AGAP1: variants seen among roughly 807,000 people sequenced by gnomAD.
The protein encoded by AGAP1 is ArfGAP with GTPase domain, ankyrin repeat and PH domain 1.
In AGAP1, 29 loss-of-function variants were observed where a neutral mutation model predicts 105.3. The observed-to-expected ratio is 0.28, with a 90% CI of 0.21 to 0.38. AGAP1 has a LOEUF of 0.38. Among genes scored for constraint, AGAP1 ranks in the 10% least tolerant of loss-of-function variants. AGAP1 has a pLI of 1.00. For synonymous variants in AGAP1, 509 were observed against 485.9 expected (o/e 1.05, Z -0.63); for missense variants, 998 against 1,165.1 (o/e 0.86, Z 2.09).
chr2:236,077,244 C>T (rs947570762), intron 16 of AGAP1, among the ~76,000 whole-genome samples: 5 of 148,978 alleles, frequency 3.4e-5, no homozygotes, highest in Non-Finnish European at 5.9e-5. Flanking sequence ...TGAAAAGAAA[C>T]AGTGCTTTAA....
intron 1 of AGAP1, among the ~76,000 whole-genome samples, chr2:235,588,847 T>A (rs1230745234): frequency 6.6e-6 from 1 of 152,202 alleles, no homozygotes; most frequent in East Asian, 1.9e-4. Context: ...GGATTGTGAT[T>A]ACTGACGAGA....
Position 236,045,329 on chromosome 2 carries a change from G to A in AGAP1, c.1892-3730G>A, listed in dbSNP as rs942268664. 3.3e-5 allele frequency among the ~76,000 whole-genome samples: 5 copies of A among 152,216 alleles called. No homozygotes were observed. Among genetic ancestry groups the A allele is most frequent in the African/African-American group, 1.2e-4 (5 of 41,452 alleles). On this transcript the variant is annotated intron_variant, in intron 15 of 17. Coordinates refer to ENST00000304032, the MANE Select transcript of AGAP1 (RefSeq NM_001037131.3). This position sits in a 1 kb window ranked among gnomAD's most constrained non-coding sequence, Gnocchi z 6.9. ...CACTGCTGTATCCCCAGAAGCCAGT[G>A]TGTTAATATTGGTTGAATACGTGAA... is the stretch of plus-strand genomic sequence containing the variant.
chr2:235,803,482 G>T (rs1311618943), intron 8 of AGAP1, among the ~76,000 whole-genome samples: 3 of 152,242 alleles, frequency 2.0e-5, no homozygotes, highest in African/African-American at 7.2e-5. Flanking sequence ...GAGGACAGAT[G>T]CATGATATGC....
At chr2:235,657,973 G>A (rs1409611991) in intron 1 of AGAP1, among the ~76,000 whole-genome samples, 2 of 152,200 alleles carry the variant, frequency 1.3e-5, no homozygotes, top group South Asian at 2.1e-4. Flanking sequence ...CCTCAAAAGA[G>A]ACCAGCCCTG....
intron 13 of AGAP1, among the ~76,000 whole-genome samples, chr2:236,015,556 C>G (rs2056667751): frequency 7.0e-6 from 1 of 143,488 alleles, no homozygotes; most frequent in Admixed American, 6.8e-5. Flanking sequence ...TTATAAATTG[C>G]CTTTTTTTTT....
At chr2:235,711,608 G>A (rs1182287541) in intron 2 of AGAP1, among the ~76,000 whole-genome samples, 1 of 152,198 alleles carries the variant, frequency 6.6e-6, no homozygotes, top group Non-Finnish European at 1.5e-5. Flanking sequence ...CCTGAGTGTG[G>A]ATGGACGAGA....
At chr2:235,743,291 G>T (rs1952697255) in intron 4 of AGAP1, among the ~76,000 whole-genome samples, 1 of 152,216 alleles carries the variant, frequency 6.6e-6, no homozygotes, top group African/African-American at 2.4e-5. Flanking sequence ...TAGGAGATGA[G>T]AGCCACAGTT....
rs936086435 is a variant in AGAP1, at chr2:235,751,143, G to A, written c.673+655G>A. On this transcript the variant is annotated intron_variant, in intron 6 of 17. Coordinates refer to ENST00000304032, the MANE Select transcript of AGAP1 (RefSeq NM_001037131.3). This position sits in a 1 kb window ranked among gnomAD's most constrained non-coding sequence, Gnocchi z 5.3. ...CTTGTGGATGATCATAGCGCCAGAC[G>A]TCGTCTATGAGAGAGGAGCCTGTGC... Among the ~76,000 whole-genome samples, 2 of 152,100 alleles carry A rather than the reference G, an allele frequency of 1.3e-5. No homozygotes were observed. Among genetic ancestry groups the A allele is most frequent in the African/African-American group, 2.4e-5 (1 of 41,420 alleles).
chr2:235,720,937 G>A lies in AGAP1; in HGVS notation c.310+3293G>A, dbSNP rs1288197471. On this transcript the variant is annotated intron_variant, in intron 3 of 17. Coordinates refer to ENST00000304032, the MANE Select transcript of AGAP1 (RefSeq NM_001037131.3). This position sits in a 1 kb window ranked among gnomAD's most constrained non-coding sequence, Gnocchi z 5.0. Reference sequence around the variant, plus strand: ...AATATCTGCTGTCTTTTCGTTGTATGATGCATTTTGGTTGATATTTTATTC... The same window carrying A: ...AATATCTGCTGTCTTTTCGTTGTATAATGCATTTTGGTTGATATTTTATTC... Among the ~76,000 whole-genome samples the A allele has an allele frequency of 6.6e-6, 1 of 152,170 alleles. No homozygotes were observed. The highest frequency in any genetic ancestry group is 1.5e-5 in the Non-Finnish European group (1 of 68,034).
At chr2:235,710,441 T>C (rs1950792990) in intron 2 of AGAP1, among the ~76,000 whole-genome samples, 1 of 152,188 alleles carries the variant, frequency 6.6e-6, no homozygotes, top group South Asian at 2.1e-4. Flanking sequence ...GACACACCCA[T>C]CCCCACCGCA....
chr2:235,533,664 C>G (rs953501845), intron 1 of AGAP1, among the ~76,000 whole-genome samples: 1 of 152,214 alleles, frequency 6.6e-6, no homozygotes, highest in African/African-American at 2.4e-5. Flanking sequence ...ATGTTTTCCT[C>G]TAATGAAAAG....
At chr2:235,656,828 C>T (rs1396167779) in intron 1 of AGAP1, among the ~76,000 whole-genome samples, 1 of 152,160 alleles carries the variant, frequency 6.6e-6, no homozygotes, top group Non-Finnish European at 1.5e-5. Flanking sequence ...GGCACTGAAA[C>T]TTTATATATA....
At chr2:236,057,107 AT>A (rs1156452246) in intron 16 of AGAP1, among the ~76,000 whole-genome samples, 1 of 152,156 alleles carries the variant, frequency 6.6e-6, no homozygotes, top group Non-Finnish European at 1.5e-5. Flanking sequence ...GTTTACATTC[AT>A]TTAGCTGACC....
chr2:235,709,242 G>A lies in AGAP1; in HGVS notation c.222+5G>A. On this transcript the variant is annotated splice_donor_5th_base_variant and intron_variant, in intron 2 of 17. Coordinates refer to ENST00000304032, the MANE Select transcript of AGAP1 (RefSeq NM_001037131.3). ...TCTGTCCCGGAGCTCAAAGTGGTGA[G>A]TGGTTCCCTCTGGCCCTGGCACCTG... 1 of 1,614,070 alleles carries A rather than the reference G, an allele frequency of 6.2e-7. No homozygotes were observed. The highest frequency in any genetic ancestry group is 1.1e-5 in the South Asian group (1 of 91,070).
In AGAP1 at chr2:235,679,119, A is replaced by G. The variant is rs1403043683; in HGVS notation, c.164-30060A>G. Among the ~76,000 whole-genome samples the G allele has an allele frequency of 3.6e-4, 55 of 152,236 alleles. 1 individual carries two copies. The highest frequency in any genetic ancestry group is 3.6e-3 in the Admixed American group (55 of 15,288). ...ATTTAAATTGCCACATGGAGAAAGC[A>G]CAGTGTCTTGATTTGGTGGAGTGGA... On this transcript the variant is annotated intron_variant, in intron 1 of 17. Transcript: ENST00000304032.
chr2:235,627,192 G>GTTTTTTT (rs36086999), intron 1 of AGAP1, among the ~76,000 whole-genome samples: 44 of 95,592 alleles, frequency 4.6e-4, no homozygotes, highest in African/African-American at 9.0e-4. Flanking sequence ...CTGTTTTGAG[G>GTTTTTTT]TTTTTTTTTT....
rs747100323 is a variant in AGAP1 at position 236,009,982 on chromosome 2, C to T, written c.1646-26579C>T. Among the ~76,000 whole-genome samples the T allele has an allele frequency of 2.0e-5, 3 of 152,056 alleles. No homozygotes were observed. Among genetic ancestry groups the T allele is most frequent in the Admixed American group, 1.3e-4 (2 of 15,272 alleles). On this transcript the variant is annotated intron_variant, in intron 13 of 17. Transcript: ENST00000304032. This position sits in a 1 kb window ranked among gnomAD's most constrained non-coding sequence, Gnocchi z 4.2. ...GAAGAGTTTGGAATAAAACCCTGCT[C>T]GTTTGAGCATGCCAGCAGACTAAAG...
intron 1 of AGAP1, among the ~76,000 whole-genome samples, chr2:235,511,911 T>C (rs1440158456): frequency 6.6e-6 from 1 of 151,520 alleles, no homozygotes; most frequent in African/African-American, 2.4e-5. Context: ...AATGAGTATG[T>C]GGATGTGTGT....
chr2:235,927,167 TG>T lies in AGAP1; in HGVS notation c.1325-3592del, dbSNP rs1192713366. 2.0e-5 allele frequency among the ~76,000 whole-genome samples: 3 copies of T among 152,116 alleles called. No homozygotes were observed. Among genetic ancestry groups the T allele is most frequent in the Non-Finnish European group, 2.9e-5 (2 of 68,022 alleles). On this transcript the variant is annotated intron_variant, in intron 11 of 17. Coordinates refer to ENST00000304032, the MANE Select transcript of AGAP1 (RefSeq NM_001037131.3). This position sits in a 1 kb window ranked among gnomAD's most constrained non-coding sequence, Gnocchi z 4.4. The stretch of plus-strand genomic sequence containing the variant: ...AGTGGGAAGTGGGTGTGGCTGGGGC[TG>T]GGGGGCCTTCACGAGCTATAGGGCT...
Sources: gnomAD v4.1 joint callset for allele counts (sites outside exome capture counted in the v4.1 genomes callset) on GRCh38, gnomAD v4.1.1 for gene constraint, Gnocchi (gnomAD v3.1) non-coding constraint, MANE v1.5 for transcripts, NCBI Gene and HGNC (gene_info 2026-07-23, HGNC 2026-07-21) for gene names.